The following CDH12 variants were observed in gnomAD, a reference collection of about 807,000 sequenced individuals.
CDH12 encodes the protein cadherin-12.
Under a neutral mutation model 74.1 loss-of-function variants are expected in CDH12, and 41 were observed. The ratio of observed to expected loss-of-function variants is 0.55; its 90% confidence interval spans 0.43 to 0.72. CDH12 has a LOEUF of 0.72. Among genes scored for constraint, CDH12 ranks in the 30% least tolerant of loss-of-function variants. The pLI, the probability that CDH12 is intolerant of heterozygous loss-of-function variation, is 0.00. For missense variants in CDH12, 945 were observed against 977.2 expected (o/e 0.97, Z 0.44); for synonymous variants, 399 against 355.0 (o/e 1.12, Z -1.39).
chr5:22,229,039 A>G (rs993031596), intron 3 of CDH12, among the ~76,000 whole-genome samples: 1 of 152,034 alleles, frequency 6.6e-6, no homozygotes, highest in African/African-American at 2.4e-5. Context: ...TATATCTCCA[A>G]CCAAAGCCAC....
chr5:22,030,118 TG>T (rs1258527065), intron 5 of CDH12, among the ~76,000 whole-genome samples: 1 of 42,084 alleles, frequency 2.4e-5, no homozygotes, highest in Non-Finnish European at 5.3e-5. Flanking sequence ...GGTTGTGGGG[TG>T]GGGGGGAGGG....
intron 6 of CDH12, among the ~76,000 whole-genome samples, chr5:21,895,545 T>C (rs933616159): frequency 1.3e-5 from 2 of 152,114 alleles, no homozygotes; most frequent in Admixed American, 6.6e-5. Context: ...TTTCCAGAGC[T>C]CCATATGCAT....
chr5:22,491,385 T>C (rs1207331127), intron 2 of CDH12, among the ~76,000 whole-genome samples: 1 of 152,138 alleles, frequency 6.6e-6, no homozygotes, highest in African/African-American at 2.4e-5. Context: ...ATGGTATGCA[T>C]ATACCACGTT....
intron 1 of CDH12, among the ~76,000 whole-genome samples, chr5:22,705,463 CA>C (rs917023773): frequency 1.4e-5 from 2 of 144,214 alleles, no homozygotes; most frequent in Non-Finnish European, 3.0e-5. Context: ...AAACTTTTTG[CA>C]AAAATAATGG....
intron 5 of CDH12, among the ~76,000 whole-genome samples, chr5:22,055,521 G>A (rs1740674642): frequency 6.6e-6 from 1 of 151,832 alleles, no homozygotes; most frequent in Non-Finnish European, 1.5e-5. Flanking sequence ...TTGTTCTTCT[G>A]AACTCTCCCC....
chr5:22,238,943 T>G, intron 3 of CDH12, among the ~76,000 whole-genome samples: 1 of 152,188 alleles, frequency 6.6e-6, no homozygotes, highest in East Asian at 1.9e-4. Context: ...AACTACATAT[T>G]AAATCTAGAC....
At chr5:22,309,780 TG>T (rs1423428360) in intron 3 of CDH12, among the ~76,000 whole-genome samples, 1 of 152,032 alleles carries the variant, frequency 6.6e-6, no homozygotes, top group Non-Finnish European at 1.5e-5. Context: ...ATGAGTTTCC[TG>T]AGGTCCAAAA....
intron 2 of CDH12, among the ~76,000 whole-genome samples, chr5:22,421,764 C>G (rs1417748739): frequency 6.6e-6 from 1 of 152,212 alleles, no homozygotes; most frequent in Non-Finnish European, 1.5e-5. Context: ...AATCACCACA[C>G]TGTCTTCCAC....
intron 5 of CDH12, among the ~76,000 whole-genome samples, chr5:21,982,421 T>C (rs887466612): frequency 1.3e-5 from 2 of 151,932 alleles, no homozygotes; most frequent in South Asian, 2.1e-4. Flanking sequence ...CAATTCCTTA[T>C]AACAAATCTT....
intron 1 of CDH12, among the ~76,000 whole-genome samples, chr5:22,627,546 A>G (rs1738362776): frequency 6.6e-6 from 1 of 152,024 alleles, no homozygotes; most frequent in Admixed American, 6.6e-5. Flanking sequence ...AGCAAATGTT[A>G]GGAGAATTCC....
intron 1 of CDH12, among the ~76,000 whole-genome samples, chr5:22,568,313 A>G (rs1240007870): frequency 6.6e-6 from 1 of 152,224 alleles, no homozygotes; most frequent in African/African-American, 2.4e-5. Context: ...TAAAAAGTAT[A>G]TGATTATTTA....
intron 3 of CDH12, among the ~76,000 whole-genome samples, chr5:22,265,176 T>G (rs1325681341): frequency 1.3e-5 from 2 of 152,148 alleles, no homozygotes; most frequent in East Asian, 3.9e-4. Flanking sequence ...AAATTATAAA[T>G]GGGGTACCCA....
chr5:22,654,498 C>A (rs538977622), intron 1 of CDH12, among the ~76,000 whole-genome samples: 1 of 152,010 alleles, frequency 6.6e-6, no homozygotes, highest in Non-Finnish European at 1.5e-5. Context: ...CAATGTTAGC[C>A]AGGCTGGTCT....
chr5:22,124,622 A>G (rs1745736000), intron 4 of CDH12, among the ~76,000 whole-genome samples: 1 of 151,978 alleles, frequency 6.6e-6, no homozygotes, highest in Non-Finnish European at 1.5e-5. Context: ...TTTCCTCTTT[A>G]TGTTGCTTTC....
At chr5:21,833,072 A>ATATATATTATATTATAAATATATAT (rs1561224663) in intron 8 of CDH12, among the ~76,000 whole-genome samples, 31 of 70,530 alleles carry the variant, frequency 4.4e-4, no homozygotes, top group Admixed American at 1.1e-3. Context: ...ATAACATATA[A>ATATATATTATATTATAAATATATAT]TATATATTAT....
At chr5:22,427,440 A>G (rs1743988271) in intron 2 of CDH12, among the ~76,000 whole-genome samples, 1 of 152,192 alleles carries the variant, frequency 6.6e-6, no homozygotes, top group Non-Finnish European at 1.5e-5. Context: ...TGCTGGGATT[A>G]CAGGCATGAG....
At chr5:22,309,784 G>A (rs919348682) in intron 3 of CDH12, among the ~76,000 whole-genome samples, 2 of 151,828 alleles carry the variant, frequency 1.3e-5, no homozygotes, top group Non-Finnish European at 2.9e-5. Flanking sequence ...GTTTCCTGAG[G>A]TCCAAAAAGT....
At chr5:21,985,414 G>C (rs1429814771) in intron 5 of CDH12, among the ~76,000 whole-genome samples, 1 of 152,044 alleles carries the variant, frequency 6.6e-6, no homozygotes, top group African/African-American at 2.4e-5. Context: ...TCAGATGTAA[G>C]GGATATGTTT....
chr5:21,971,661 C>G, intron 6 of CDH12, among the ~76,000 whole-genome samples: 1 of 152,124 alleles, frequency 6.6e-6, no homozygotes, highest in Non-Finnish European at 1.5e-5. Flanking sequence ...AAACTGCACA[C>G]CCCACTTATG....
Sources: allele counts gnomAD v4.1 joint callset (sites outside exome capture counted in the v4.1 genomes callset), GRCh38; gene constraint gnomAD v4.1.1; transcripts MANE v1.5; gene names NCBI Gene and HGNC (gene_info 2026-07-23, HGNC 2026-07-21).